USF1: variants seen among roughly 807,000 people sequenced by gnomAD.
USF1 encodes upstream stimulatory factor 1.
Under a neutral mutation model 46.3 loss-of-function variants are expected in USF1, and 22 were observed. That is an observed-to-expected ratio of 0.47 (90% CI 0.34 to 0.68). The LOEUF is 0.68. Ranked by LOEUF, USF1 falls within the 30% of genes least tolerant of loss-of-function variation. USF1 has a pLI of 0.01. For missense variants in USF1, 287 were observed against 399.3 expected, an observed-to-expected ratio of 0.72 and a Z score of 2.40; for synonymous variants, 150 against 147.0, an observed-to-expected ratio of 1.02 and a Z score of -0.15.
rs377459002 is a variant in USF1, at chr1:161,040,695, G to A, written c.620-25C>T. ...ACTGTGGGGCAAAGTGGAGGACAAG[G>A]TGACTCAGTGAAAACTCGCCACAAG... is the stretch of plus-strand genomic sequence containing the variant. On this transcript the variant is annotated intron_variant, in intron 8 of 10. Transcript: ENST00000368021. The surrounding 1 kb of genome is among the most constrained non-coding windows in gnomAD (Gnocchi z 4.0). The A allele has an allele frequency of 3.1e-6, 5 of 1,610,944 alleles. No homozygotes were observed. The African/African-American group carries it at 4.0e-5, about 13-fold the overall frequency.
At chr1:161,041,510 A>AATAGAAGAG in intron 6 of USF1, 99 bp from the exon 7 acceptor site, 1 of 1,487,128 alleles carries the variant, frequency 6.7e-7, no homozygotes, top group Non-Finnish European at 9.2e-7. Flanking sequence ...AGAACATGCT[A>AATAGAAGAG]ATAGAAGAGC....
intron 2 of USF1, 122 bp downstream of exon 2, chr1:161,043,146 G>C: frequency 6.5e-7 from 1 of 1,546,030 alleles, no homozygotes; most frequent in Non-Finnish European, 8.9e-7. Flanking sequence ...AAATCACACA[G>C]TAAGTGATAG....
intron 7 of USF1, among the ~76,000 whole-genome samples, 196 bp downstream of exon 7, chr1:161,041,128 G>A (rs913127557): frequency 6.6e-6 from 1 of 151,814 alleles, no homozygotes; most frequent in Admixed American, 6.6e-5. Context: ...CAGGGGTGGT[G>A]GTACATGTCT....
chr1:161,041,938 G>C, intron 5 of USF1, 92 bp from the exon 6 acceptor site: 1 of 1,399,614 alleles, frequency 7.1e-7, no homozygotes, highest in Non-Finnish European at 9.9e-7. Flanking sequence ...TGGGGTGGTA[G>C]GTAGGGTGGA....
intron 2 of USF1, 106 bp from the exon 3 acceptor site, chr1:161,042,988 G>T: frequency 6.6e-7 from 1 of 1,507,158 alleles, no homozygotes; most frequent in Non-Finnish European, 9.2e-7. Context: ...CCCAACAGAA[G>T]CTGGGTTAGG....
Position 161,042,893 on chromosome 1 carries a change from T to C in USF1, c.9-11A>G, listed in dbSNP as rs760684627. On this transcript the variant is annotated splice_polypyrimidine_tract_variant and intron_variant, in intron 2 of 10. Transcript: ENST00000368021. Reference sequence around the variant, plus strand: ...GCTGTTTTCTGCTGCCTGTTTGTGGTGAAAGGACAAAAGGAAGAGTATGAG... The same window carrying C: ...GCTGTTTTCTGCTGCCTGTTTGTGGCGAAAGGACAAAAGGAAGAGTATGAG... 1 of 1,614,026 alleles carries C rather than the reference T, an allele frequency of 6.2e-7. No individual in the cohort carries two copies. The highest frequency in any genetic ancestry group is 8.5e-7 in the Non-Finnish European group (1 of 1,180,012).
Position 161,042,885 on chromosome 1 carries a change from G to A in USF1, c.9-3C>T. 2 of 1,614,168 alleles carry A rather than the reference G, an allele frequency of 1.2e-6. No individual in the cohort carries two copies. Among genetic ancestry groups the A allele is most frequent in the Non-Finnish European group, 1.7e-6 (2 of 1,180,032 alleles). On this transcript the variant is annotated splice_region_variant and splice_polypyrimidine_tract_variant and intron_variant, in intron 2 of 10. Transcript: ENST00000368021. Reference sequence around the variant, plus strand: ...CCGTTTCAGCTGTTTTCTGCTGCCTGTTTGTGGTGAAAGGACAAAAGGAAG... The same window carrying A: ...CCGTTTCAGCTGTTTTCTGCTGCCTATTTGTGGTGAAAGGACAAAAGGAAG...
chr1:161,045,605 A>G (rs938922416), intron 1 of USF1, among the ~76,000 whole-genome samples: 2 of 152,198 alleles, frequency 1.3e-5, no homozygotes, highest in African/African-American at 4.8e-5. Context: ...AGGGAGCTCA[A>G]GCGCCCGGTG....
Position 161,039,272 on chromosome 1 carries a change from T to TAAAAAAAAAAAAAAAAA in USF1, c.*631_*647dup, listed in dbSNP as rs748404757. 4 of 59,214 alleles carry TAAAAAAAAAAAAAAAAA rather than the reference T, an allele frequency of 6.8e-5. No individual in the cohort carries two copies. The highest frequency in any genetic ancestry group is 8.6e-5 in the Non-Finnish European group (3 of 34,838). 3.7% of individuals were successfully genotyped at this position (59,214 alleles called of 1,614,324 possible). A position where few individuals can be genotyped will look rare whatever the true frequency, so the allele number is the denominator to read the frequency against. On this transcript the variant is annotated 3_prime_UTR_variant, in exon 11 of 11. Transcript: ENST00000368021. ...ACTGTGGCTTTGAACAATTTTATCT[T>TAAAAAAAAAAAAAAAAA]AAAAAAAAAAAAAAAAAAAAAAAAA...
chr1:161,044,656 C>T (rs1556260), intron 1 of USF1, among the ~76,000 whole-genome samples: 42,650 of 151,004 alleles, frequency 0.28, 8,571 homozygotes, highest in African/African-American at 0.55. Flanking sequence ...GCTATGACAA[C>T]TCCAAATCAA....
Position 161,039,649 on chromosome 1 carries a change from C to A in USF1, c.*271G>T, listed in dbSNP as rs1650435980. ...AGAGTTTAGTGTGTCCAGTATCCAG[C>A]ATGGAGACAGCACATGCATTGTGCG... On this transcript the variant is annotated 3_prime_UTR_variant, in exon 11 of 11. Coordinates refer to ENST00000368021, the MANE Select transcript of USF1 (RefSeq NM_007122.5). 2 of 478,992 alleles carry A rather than the reference C, an allele frequency of 4.2e-6. No homozygotes were observed. Among genetic ancestry groups the A allele is most frequent in the East Asian group, 7.8e-5 (2 of 25,498 alleles). 29.7% of individuals were successfully genotyped at this position (478,992 alleles called of 1,614,324 possible). A position where few individuals can be genotyped will look rare whatever the true frequency, so the allele number is the denominator to read the frequency against.
chr1:161,042,754 A>G lies in USF1; in HGVS notation c.58+79T>C, dbSNP rs1291800127. ...ATTTGCATGTCACGGAAGGAGGAGG[A>G]TGCACAGGAGATGGTCTGGTGGGGA... is the stretch of plus-strand genomic sequence containing the variant. On this transcript the variant is annotated intron_variant, in intron 3 of 10. Transcript: ENST00000368021. 7 of 1,611,522 alleles carry G rather than the reference A, an allele frequency of 4.3e-6. No homozygotes were observed. In the African/African-American group the frequency reaches 6.7e-5, roughly 15 times the overall value.
chr1:161,041,455 C>A (rs769540424), intron 6 of USF1, 44 bp from the exon 7 acceptor site: 12 of 1,593,724 alleles, frequency 7.5e-6, no homozygotes, highest in South Asian at 6.7e-5. Flanking sequence ...TGGGTAGGAA[C>A]CTCACCAAGC....
intron 1 of USF1, chr1:161,044,814 C>T (rs1557908205): frequency 6.6e-6 from 1 of 152,434 alleles, no homozygotes; most frequent in Non-Finnish European, 1.5e-5. Context: ...AGACATGCCT[C>T]CAGAAAGAAA....
At chr1:161,042,461 A>G in intron 4 of USF1, 94 bp downstream of exon 4, 1 of 1,396,084 alleles carries the variant, frequency 7.2e-7, no homozygotes, top group Non-Finnish European at 1.0e-6. Context: ...CTTTCAACTC[A>G]TCCTCCAAGC....
chr1:161,043,286 G>A lies in USF1; in HGVS notation c.-11C>T, dbSNP rs746811537. The A allele has an allele frequency of 1.9e-6, 3 of 1,614,162 alleles. No homozygotes were observed. The highest frequency in any genetic ancestry group is 2.5e-6 in the Non-Finnish European group (3 of 1,180,022). ...CACTCACCCCTTCATCTCTCTGTGA[G>A]GGGGCACATCCGAGGAACTGGTCCT... On this transcript the variant is annotated 5_prime_UTR_variant, in exon 2 of 11. Coordinates refer to ENST00000368021, the MANE Select transcript of USF1 (RefSeq NM_007122.5).
intron 1 of USF1, among the ~76,000 whole-genome samples, chr1:161,043,784 T>C (rs1453084928): frequency 7.1e-6 from 1 of 140,488 alleles, no homozygotes; most frequent in Non-Finnish European, 1.6e-5. Context: ...CCACCACGCC[T>C]GGCTAATTTT....
Position 161,040,753 on chromosome 1 carries a change from C to T in USF1, c.619+61G>A. 3.7e-6 allele frequency: 6 copies of T among 1,613,674 alleles called. No homozygotes were observed. The highest frequency in any genetic ancestry group is 1.3e-5 in the African/African-American group (1 of 75,022). On this transcript the variant is annotated intron_variant, in intron 8 of 10. Coordinates refer to ENST00000368021, the MANE Select transcript of USF1 (RefSeq NM_007122.5). This position sits in a 1 kb window ranked among gnomAD's most constrained non-coding sequence, Gnocchi z 4.0. ...GTAAAATTACCTAATCCCTCCTCCC[C>T]TCAGACATCACTGCTGAGATCACAC...
Position 161,042,197 on chromosome 1 carries a change from C to G in USF1, c.195G>C (p.Gln65His). The G allele has an allele frequency of 6.2e-7, 1 of 1,613,944 alleles. No individual in the cohort carries two copies. Among genetic ancestry groups the G allele is most frequent in the Non-Finnish European group, 8.5e-7 (1 of 1,179,924 alleles). The change falls in exon 5 of 11, where the codon CAG becomes CAC. Residue 65 changes from glutamine (Q) to histidine (H), a missense_variant. By Grantham distance (24) the Gln-to-His change is conservative. Coordinates refer to ENST00000368021, the MANE Select transcript of USF1 (RefSeq NM_007122.5). Reference protein sequence around the residue: ...NGGQVMYRVIQVSEGQLDGQT... With the variant: ...NGGQVMYRVIHVSEGQLDGQT... ...GGCCATCCAGCTGCCCCTCAGACAC[C>G]TGGATCACCCTGTACATCACCTAGA...
Sources: gnomAD v4.1 joint callset for allele counts (sites outside exome capture counted in the v4.1 genomes callset) on GRCh38, gnomAD v4.1.1 for gene constraint, Gnocchi (gnomAD v3.1) non-coding constraint, MANE v1.5 for transcripts, NCBI Gene and HGNC (gene_info 2026-07-23, HGNC 2026-07-21) for gene names.